Variants in TLL1 observed in about 807,000 individuals in gnomAD.
TLL1 encodes tolloid-like protein 1.
In TLL1, 49 loss-of-function variants were observed where a neutral mutation model predicts 128.2. The ratio of observed to expected loss-of-function variants is 0.38; its 90% confidence interval spans 0.30 to 0.48. TLL1 has a LOEUF of 0.48. Among genes scored for constraint, TLL1 ranks in the 20% least tolerant of loss-of-function variants. The pLI, the probability that TLL1 is intolerant of heterozygous loss-of-function variation, is 0.96. For missense variants in TLL1, 1,123 were observed against 1,242.0 expected (o/e 0.90, Z 1.44); for synonymous variants, 454 against 418.8 (o/e 1.08, Z -1.03).
In TLL1 at chr4:165,985,555, G is replaced by GT. The variant is rs538429226; in HGVS notation, c.170-3821dup. Among the ~76,000 whole-genome samples, 39 of 152,032 alleles carry GT rather than the reference G, an allele frequency of 2.6e-4. No individual in the cohort carries two copies. In the East Asian group the frequency reaches 7.4e-3, roughly 29 times the overall value. On this transcript the variant is annotated intron_variant, in intron 1 of 20. Transcript: ENST00000061240. The stretch of plus-strand genomic sequence containing the variant: ...AAATTCGTACATATTTTTGCATATA[G>GT]TTTTTCAGAAATCACAAACTTAAAG...
At chr4:165,963,054 CAAA>C (rs869191830) in intron 1 of TLL1, among the ~76,000 whole-genome samples, 151 of 18,302 alleles carry the variant, frequency 8.3e-3, no homozygotes, top group African/African-American at 0.018. Context: ...GGCTCTGTCT[CAAA>C]AAAAAAAAAA....
chr4:165,957,939 C>G (rs1285382071), intron 1 of TLL1, among the ~76,000 whole-genome samples: 1 of 145,206 alleles, frequency 6.9e-6, no homozygotes, highest in Non-Finnish European at 1.5e-5. Context: ...CAATTCCCAT[C>G]TATGAGTGAG....
chr4:165,994,260 G>T (rs1736763185), intron 3 of TLL1, 121 bp from the exon 4 acceptor site: 1 of 1,167,970 alleles, frequency 8.6e-7, no homozygotes, highest in Non-Finnish European at 1.2e-6. Context: ...AATGCATTTT[G>T]ACTTCTGGCA....
intron 1 of TLL1, among the ~76,000 whole-genome samples, chr4:165,917,061 G>A (rs1185347773): frequency 2.0e-5 from 3 of 151,770 alleles, no homozygotes; most frequent in Non-Finnish European, 4.4e-5. Context: ...TAGTATTTAC[G>A]GCTTAAATTT....
intron 16 of TLL1, among the ~76,000 whole-genome samples, chr4:166,070,323 G>A (rs1479662356): frequency 1.3e-5 from 2 of 151,580 alleles, no homozygotes; most frequent in Non-Finnish European, 3.0e-5. Context: ...AATATTAGTT[G>A]GACTTTATAC....
chr4:165,982,282 G>A lies in TLL1; in HGVS notation c.170-7099G>A, dbSNP rs181770912. Among the ~76,000 whole-genome samples the A allele has an allele frequency of 2.3e-3, 357 of 151,922 alleles. 4 individuals carry two copies. The highest frequency in any genetic ancestry group is 0.019 in the Admixed American group (293 of 15,216). ...TTACTGACACTATGAAACTTCTAAA[G>A]CTGTAAAACATTACAAATAATATTG... On this transcript the variant is annotated intron_variant, in intron 1 of 20. Coordinates refer to ENST00000061240, the MANE Select transcript of TLL1 (RefSeq NM_012464.5).
At position 166,091,255 on chromosome 4, in the gene TLL1, T is replaced by C; in HGVS notation, c.2570T>C (p.Leu857Pro). The C allele has an allele frequency of 1.9e-6, 3 of 1,613,290 alleles. No individual in the cohort carries two copies. Among genetic ancestry groups the C allele is most frequent in the South Asian group, 1.1e-5 (1 of 91,064 alleles). ...TGTGGCAACAAGATACCAGATCCCC[T>C]TGTGGCTACTGGAAATAAAATGTTT... ...RLCGNKIPDPLVATGNKMFVR... is the reference protein window; with the variant it reads ...RLCGNKIPDPPVATGNKMFVR... Residue 857 changes from leucine to proline, a missense_variant, in exon 19 of 21, where the codon CTT (leucine) becomes CCT (proline). This residue lies in a region of TLL1 where 634 missense variants were observed against 672.4 expected (regional missense o/e 0.94). Coordinates refer to ENST00000061240, the MANE Select transcript of TLL1 (RefSeq NM_012464.5).
intron 18 of TLL1, among the ~76,000 whole-genome samples, chr4:166,082,197 G>C (rs79272484): frequency 0.063 from 9,620 of 152,152 alleles, 524 homozygotes; most frequent in African/African-American, 0.14. Context: ...CTTGTGAAAA[G>C]ACGCATTGCT....
chr4:166,092,365 C>T (rs927054914), intron 19 of TLL1, among the ~76,000 whole-genome samples: 3 of 151,942 alleles, frequency 2.0e-5, no homozygotes, highest in African/African-American at 7.3e-5. Flanking sequence ...TGTCAGGATA[C>T]TAATCTGATT....
chr4:166,030,618 C>T (rs1730851072), intron 9 of TLL1: 4 of 672,068 alleles, frequency 6.0e-6, no homozygotes, highest in Non-Finnish European at 8.6e-6. Flanking sequence ...GTGTTTTCTT[C>T]TATGAGTTCT....
intron 12 of TLL1, among the ~76,000 whole-genome samples, chr4:166,045,450 A>G (rs1477325618): frequency 6.6e-6 from 1 of 152,046 alleles, no homozygotes; most frequent in East Asian, 1.9e-4. Context: ...CTTTGTCTTC[A>G]AACTATACCT....
intron 1 of TLL1, among the ~76,000 whole-genome samples, chr4:165,907,378 A>C: frequency 6.6e-6 from 1 of 152,160 alleles, no homozygotes; most frequent in South Asian, 2.1e-4. Flanking sequence ...CAATGGCTAC[A>C]AAAATGTGTG....
intron 6 of TLL1, among the ~76,000 whole-genome samples, chr4:166,006,652 G>A (rs1737444868): frequency 6.6e-6 from 1 of 151,706 alleles, no homozygotes; most frequent in Non-Finnish European, 1.5e-5. Context: ...AGAGTATGTT[G>A]AATATTTCCC....
chr4:165,975,979 A>G (rs1010963651), intron 1 of TLL1, among the ~76,000 whole-genome samples: 6 of 146,308 alleles, frequency 4.1e-5, no homozygotes, highest in Non-Finnish European at 6.0e-5. Context: ...TAGAGGTTGC[A>G]GTAAGCTCAG....
intron 1 of TLL1, among the ~76,000 whole-genome samples, chr4:165,977,668 C>T (rs1735952410): frequency 6.6e-6 from 1 of 152,146 alleles, no homozygotes. Context: ...AAATAAACTA[C>T]ATCCAGTGTA....
chr4:165,956,500 A>G (rs141637442), intron 1 of TLL1, among the ~76,000 whole-genome samples: 11,341 of 152,116 alleles, frequency 0.075, 1,108 homozygotes, highest in African/African-American at 0.23. Flanking sequence ...TCCTACTTGC[A>G]CGTCCATTTA....
chr4:166,063,124 G>T (rs996136405), intron 15 of TLL1, among the ~76,000 whole-genome samples: 8 of 151,828 alleles, frequency 5.3e-5, no homozygotes, highest in African/African-American at 1.7e-4. Flanking sequence ...AATCTACAAA[G>T]AACTTAAACA....
intron 1 of TLL1, among the ~76,000 whole-genome samples, chr4:165,893,149 T>A (rs954508198): frequency 6.6e-6 from 1 of 152,136 alleles, no homozygotes; most frequent in African/African-American, 2.4e-5. Context: ...CCAAATTGAG[T>A]TATTATATTT....
chr4:166,076,412 T>G (rs1186724500), intron 17 of TLL1, among the ~76,000 whole-genome samples: 1 of 152,140 alleles, frequency 6.6e-6, no homozygotes, highest in African/African-American at 2.4e-5. Flanking sequence ...TGAAGGTCAT[T>G]CAGAGAAAAA....
Sources: gnomAD v4.1 joint callset for allele counts (sites outside exome capture counted in the v4.1 genomes callset) on GRCh38, gnomAD v4.1.1 for gene constraint, gnomAD v4.1.1 regional missense constraint, MANE v1.5 for transcripts, NCBI Gene and HGNC (gene_info 2026-07-23, HGNC 2026-07-21) for gene names.